Variants in LTBP1 observed in about 807,000 individuals in gnomAD.
LTBP1 encodes latent-transforming growth factor beta-binding protein 1.
LTBP1 carries 129 observed loss-of-function variants against 207.6 expected under a neutral mutation model. That is an observed-to-expected ratio of 0.62 (90% CI 0.54 to 0.72). The LOEUF (loss-of-function observed/expected upper bound fraction) is 0.72, where lower values mean the gene tolerates loss of function less well. LTBP1 is among the 30% of genes least tolerant of loss of function. LTBP1 has a pLI of 0.00. For missense variants in LTBP1, 2,281 were observed against 2,217.2 expected, an observed-to-expected ratio of 1.03 and a Z score of -0.58; for synonymous variants, 963 against 833.7, an observed-to-expected ratio of 1.16 and a Z score of -2.67.
chr2:33,200,174 C>T (rs2089053644), intron 7 of LTBP1, among the ~76,000 whole-genome samples: 1 of 152,192 alleles, frequency 6.6e-6, no homozygotes, highest in South Asian at 2.1e-4. Context: ...CCAAGTCAAT[C>T]CTAAGCCAAA....
chr2:33,261,353 C>A (rs1211043772), intron 13 of LTBP1, among the ~76,000 whole-genome samples: 1 of 152,112 alleles, frequency 6.6e-6, no homozygotes, highest in East Asian at 1.9e-4. Context: ...TGGTTGAGGT[C>A]ATCTCTAGTA....
At chr2:33,150,611 C>G (rs528147563) in intron 5 of LTBP1, among the ~76,000 whole-genome samples, 1 of 151,028 alleles carries the variant, frequency 6.6e-6, no homozygotes, top group Non-Finnish European at 1.5e-5. Context: ...TACTTTCTGT[C>G]TCTATGAATT....
At chr2:33,354,683 TACACACACACACACACACAC>T (rs71409608) in intron 26 of LTBP1, among the ~76,000 whole-genome samples, 55 of 139,770 alleles carry the variant, frequency 3.9e-4, no homozygotes, top group Admixed American at 1.1e-3. Context: ...ACTAAAACTA[TACACACACACACACACACAC>T]ACACACACAC....
At chr2:33,102,116 C>T (rs1428514457) in intron 3 of LTBP1, among the ~76,000 whole-genome samples, 6 of 152,206 alleles carry the variant, frequency 3.9e-5, no homozygotes, top group Non-Finnish European at 5.9e-5. Flanking sequence ...TCTCCAGGGT[C>T]GAAATTTCTG....
At chr2:33,181,020 T>TA (rs2086572346) in intron 5 of LTBP1, among the ~76,000 whole-genome samples, 1 of 152,162 alleles carries the variant, frequency 6.6e-6, no homozygotes, top group African/African-American at 2.4e-5. Context: ...AAAGGACAGA[T>TA]ACGGGTTTTC....
At chr2:33,235,950 G>A (rs1455325891) in intron 9 of LTBP1, among the ~76,000 whole-genome samples, 2 of 152,208 alleles carry the variant, frequency 1.3e-5, no homozygotes, top group Non-Finnish European at 2.9e-5. Context: ...AATACCTAAC[G>A]TAGATGGCGG....
chr2:33,029,575 C>T (rs1178313243), intron 3 of LTBP1, among the ~76,000 whole-genome samples: 1 of 152,188 alleles, frequency 6.6e-6, no homozygotes, highest in Non-Finnish European at 1.5e-5. Flanking sequence ...GAATTTTCAA[C>T]CGGTACAAAC....
At chr2:33,303,201 T>C (rs1269816081) in intron 22 of LTBP1, among the ~76,000 whole-genome samples, 1 of 152,052 alleles carries the variant, frequency 6.6e-6, no homozygotes, top group Non-Finnish European at 1.5e-5. Context: ...ACTAAGTAAC[T>C]GGTAAGGTAT....
At chr2:33,323,758 T>G (rs1025033968) in intron 24 of LTBP1, among the ~76,000 whole-genome samples, 6 of 152,350 alleles carry the variant, frequency 3.9e-5, no homozygotes, top group African/African-American at 1.4e-4. Flanking sequence ...TAGCTCATCC[T>G]GGAGTACTAG....
intron 7 of LTBP1, among the ~76,000 whole-genome samples, chr2:33,212,353 G>C (rs1174600592): frequency 6.6e-6 from 1 of 152,218 alleles, no homozygotes; most frequent in Non-Finnish European, 1.5e-5. Context: ...TAGAGATGTG[G>C]AAATGAGGGA....
Position 33,236,408 on chromosome 2 carries a change from C to A in LTBP1, c.1877-7254C>A, listed in dbSNP as rs2092053076. On this transcript the variant is annotated intron_variant, in intron 9 of 33. Coordinates refer to ENST00000404816, the MANE Select transcript of LTBP1 (RefSeq NM_206943.4). The stretch of plus-strand genomic sequence containing the variant: ...TGCTGCACTTTCTAGTTTAAATGTG[C>A]ACAGTATTTTCAGTAAGAATTTAAA... Among the ~76,000 whole-genome samples, 4 of 152,158 alleles carry A rather than the reference C, an allele frequency of 2.6e-5. No individual in the cohort carries two copies. The South Asian group carries it at 8.3e-4, about 32-fold the overall frequency.
chr2:33,032,410 C>T lies in LTBP1; in HGVS notation c.863+11204C>T, dbSNP rs906762421. Among the ~76,000 whole-genome samples, 3 of 152,166 alleles carry T rather than the reference C, an allele frequency of 2.0e-5. No individual in the cohort carries two copies. In the East Asian group the frequency reaches 5.8e-4, roughly 29 times the overall value. On this transcript the variant is annotated intron_variant, in intron 3 of 33. Transcript: ENST00000404816. ...CTTTGCCATAACTACTTTTTGTTAT[C>T]TCTACCCCTATCGATATCAACTTCC...
intron 5 of LTBP1, among the ~76,000 whole-genome samples, chr2:33,178,250 G>A (rs577050027): frequency 2.0e-5 from 3 of 152,174 alleles, no homozygotes; most frequent in African/African-American, 7.2e-5. Context: ...AGGAGAGAGC[G>A]ACAATGACAG....
intron 24 of LTBP1, among the ~76,000 whole-genome samples, chr2:33,316,537 G>C (rs1426121110): frequency 6.6e-6 from 1 of 152,168 alleles, no homozygotes; most frequent in East Asian, 1.9e-4. Context: ...TGCCAGATTT[G>C]ACTAGAACTG....
At chr2:33,152,432 A>T (rs2083617244) in intron 5 of LTBP1, among the ~76,000 whole-genome samples, 1 of 152,162 alleles carries the variant, frequency 6.6e-6, no homozygotes, top group Non-Finnish European at 1.5e-5. Flanking sequence ...GTTGGCGTGG[A>T]TGTGGTGAAC....
Position 32,972,342 on chromosome 2 carries a change from T to G in LTBP1, c.565+23397T>G, listed in dbSNP as rs933566379. Among the ~76,000 whole-genome samples, 18 of 152,190 alleles carry G rather than the reference T, an allele frequency of 1.2e-4. 2 individuals carry two copies. Among genetic ancestry groups the G allele is most frequent in the Admixed American group, 1.0e-3 (16 of 15,274 alleles). On this transcript the variant is annotated intron_variant, in intron 2 of 33. Transcript: ENST00000404816. ...GTTATTTCCTGTCTTCTGCTAGCTTTGGGGTTGATTTGCTTTTGTTTTTCT... is the reference window on the plus strand; with the variant it reads ...GTTATTTCCTGTCTTCTGCTAGCTTGGGGGTTGATTTGCTTTTGTTTTTCT...
intron 15 of LTBP1, among the ~76,000 whole-genome samples, chr2:33,266,039 A>C (rs2093166955): frequency 6.6e-6 from 1 of 152,188 alleles, no homozygotes; most frequent in Admixed American, 6.5e-5. Context: ...TCACCTAGCC[A>C]CGGCTCCAGA....
chr2:33,177,195 G>A (rs1395652722), intron 5 of LTBP1, among the ~76,000 whole-genome samples: 4 of 152,116 alleles, frequency 2.6e-5, no homozygotes, highest in South Asian at 4.1e-4. Flanking sequence ...TAGTGTAATC[G>A]ACTCATGTTA....
intron 9 of LTBP1, among the ~76,000 whole-genome samples, chr2:33,224,844 A>G (rs1384142876): frequency 6.6e-6 from 1 of 152,002 alleles, no homozygotes; most frequent in Non-Finnish European, 1.5e-5. Context: ...AATGTTACCA[A>G]TTTTTCCCCC....
Sources: gnomAD v4.1 joint callset for allele counts (sites outside exome capture counted in the v4.1 genomes callset) on GRCh38, gnomAD v4.1.1 for gene constraint, MANE v1.5 for transcripts, NCBI Gene and HGNC (gene_info 2026-07-23, HGNC 2026-07-21) for gene names.